KIRREL3: variants seen among roughly 807,000 people sequenced by gnomAD.
The protein encoded by KIRREL3 is kin of IRRE-like protein 3.
A neutral mutation model predicts 89.7 loss-of-function variants in KIRREL3; 36 were observed. That is an observed-to-expected ratio of 0.40 (90% confidence interval 0.31 to 0.53). KIRREL3 has a LOEUF of 0.53. KIRREL3 is among the 20% of genes least tolerant of loss of function. The pLI, the probability that KIRREL3 is intolerant of heterozygous loss-of-function variation, is 0.49. For synonymous variants in KIRREL3, 445 were observed against 441.4 expected (o/e 1.01, Z -0.10); for missense variants, 864 against 1,056.6 (o/e 0.82, Z 2.53).
intron 11 of KIRREL3, among the ~76,000 whole-genome samples, chr11:126,438,239 C>T (rs1339388006): frequency 6.6e-6 from 1 of 152,272 alleles, no homozygotes; most frequent in Non-Finnish European, 1.5e-5. Flanking sequence ...AGAAATGTGT[C>T]TACAGAGCTG....
chr11:126,815,757 G>T (rs1951550758), intron 1 of KIRREL3, among the ~76,000 whole-genome samples: 1 of 152,040 alleles, frequency 6.6e-6, no homozygotes, highest in Admixed American at 6.6e-5. Flanking sequence ...GGACGGTCTC[G>T]ATCTCCTGAC....
intron 1 of KIRREL3, among the ~76,000 whole-genome samples, chr11:126,857,812 T>TA (rs1240674937): frequency 5.8e-5 from 8 of 137,990 alleles, no homozygotes; most frequent in Non-Finnish European, 1.1e-4. Context: ...CTGGGCCCTC[T>TA]AGCTGCCTGG....
chr11:126,774,549 C>T (rs138694075), intron 1 of KIRREL3, among the ~76,000 whole-genome samples: 12 of 152,332 alleles, frequency 7.9e-5, no homozygotes, highest in African/African-American at 2.9e-4. Flanking sequence ...AGGCCTGGAG[C>T]AGCTTGAGCG....
rs928848320 is a variant in KIRREL3 at position 126,844,317 on chromosome 11, G to A, written c.55+156138C>T. Among the ~76,000 whole-genome samples, 1 of 152,170 alleles carries A rather than the reference G, an allele frequency of 6.6e-6. No homozygotes were observed. Among genetic ancestry groups the A allele is most frequent in the Non-Finnish European group, 1.5e-5 (1 of 68,034 alleles). Reference sequence around the variant, plus strand: ...CGGTGACATCTTTCTGGTGACCACAGAAGGGACAATACTAAGGAAACCCCA... The same window carrying A: ...CGGTGACATCTTTCTGGTGACCACAAAAGGGACAATACTAAGGAAACCCCA... On this transcript the variant is annotated intron_variant, in intron 1 of 16. Coordinates refer to ENST00000525144, the MANE Select transcript of KIRREL3 (RefSeq NM_032531.4). This position sits in a 1 kb window ranked among gnomAD's most constrained non-coding sequence, Gnocchi z 4.8.
chr11:126,447,274 G>A (rs1239470352), intron 8 of KIRREL3, among the ~76,000 whole-genome samples: 4 of 145,810 alleles, frequency 2.7e-5, no homozygotes, highest in Non-Finnish European at 4.6e-5. Context: ...TCCCAGTGGC[G>A]GGCAGGGGCC....
rs181148516 is a variant in KIRREL3, at chr11:126,482,796, C to T, written c.434-9330G>A. 2.0e-5 allele frequency among the ~76,000 whole-genome samples: 3 copies of T among 152,350 alleles called. No homozygotes were observed. The East Asian group carries it at 5.8e-4, about 29-fold the overall frequency. On this transcript the variant is annotated intron_variant, in intron 4 of 16. Transcript: ENST00000525144. Reference sequence around the variant, plus strand: ...CTTGGCATCCCCTCCCTCTGGGCCCCCCCACATTCTGTGCCAACTGAGGCA... The same window carrying T: ...CTTGGCATCCCCTCCCTCTGGGCCCTCCCACATTCTGTGCCAACTGAGGCA...
chr11:126,457,357 C>CTG (rs1956397442), intron 6 of KIRREL3, among the ~76,000 whole-genome samples: 1 of 89,812 alleles, frequency 1.1e-5, no homozygotes, highest in African/African-American at 4.4e-5. Context: ...GTATGTATGT[C>CTG]TCTGTGTGTA....
intron 1 of KIRREL3, among the ~76,000 whole-genome samples, chr11:126,972,022 A>T (rs755440113): frequency 1.8e-4 from 27 of 152,202 alleles, no homozygotes; most frequent in Non-Finnish European, 3.1e-4. Context: ...ACACAAGCTC[A>T]TCTGATTTCT....
rs1950836944 is a variant in KIRREL3 at position 126,797,125 on chromosome 11, G to A, written c.55+203330C>T. Among the ~76,000 whole-genome samples the A allele has an allele frequency of 6.6e-6, 1 of 152,182 alleles. No individual in the cohort carries two copies. The highest frequency in any genetic ancestry group is 1.5e-5 in the Non-Finnish European group (1 of 68,030). ...CAGAGCCCACATTCGGGGCCACCTG[G>A]AGTTAGCAAATCAGAGGCTTGGGGA... is the stretch of plus-strand genomic sequence containing the variant. On this transcript the variant is annotated intron_variant, in intron 1 of 16. Transcript: ENST00000525144. The surrounding 1 kb of genome is among the most constrained non-coding windows in gnomAD (Gnocchi z 4.9).
intron 4 of KIRREL3, among the ~76,000 whole-genome samples, chr11:126,500,322 T>C (rs1259410765): frequency 6.6e-6 from 1 of 152,180 alleles, no homozygotes; most frequent in Non-Finnish European, 1.5e-5. Flanking sequence ...GCTAGTGGCT[T>C]GGTGCATCTC....
chr11:126,648,720 G>C (rs1332702440), intron 1 of KIRREL3, among the ~76,000 whole-genome samples: 1 of 152,180 alleles, frequency 6.6e-6, no homozygotes, highest in Non-Finnish European at 1.5e-5. Context: ...GTAATAAATA[G>C]TGCTGTGATA....
At position 126,463,269 on chromosome 11, in the gene KIRREL3, G is replaced by A. The variant is rs375656626; in HGVS notation, c.630C>T (p.Ser210=). The A allele has an allele frequency of 1.4e-5, 22 of 1,613,784 alleles. No homozygotes were observed. The African/African-American group carries it at 2.8e-4, about 21-fold the overall frequency. Residue 210 remains serine, a synonymous_variant, in exon 6 of 17, where the codon AGC becomes AGT. Transcript: ENST00000525144. This position sits in a 1 kb window ranked among gnomAD's most constrained non-coding sequence, Gnocchi z 5.9. ...CGTCACCAGGGGAGATGAAGAGGGT[G>A]CTGACGATGCTCTCCCGCTTGCCGT... The part of the protein sequence containing the change: ...LRDGKRESIV[S]TLFISPGDVE...
chr11:126,863,763 A>T (rs1470122850), intron 1 of KIRREL3, among the ~76,000 whole-genome samples: 1 of 152,130 alleles, frequency 6.6e-6, no homozygotes, highest in African/African-American at 2.4e-5. Context: ...AGATCCTTAA[A>T]GTCACTTTAA....
At chr11:126,671,464 G>T (rs1176557696) in intron 1 of KIRREL3, among the ~76,000 whole-genome samples, 1 of 152,176 alleles carries the variant, frequency 6.6e-6, no homozygotes, top group Non-Finnish European at 1.5e-5. Flanking sequence ...TTGCTCTGCT[G>T]AAGACATTCT....
In KIRREL3 at chr11:126,948,417, A is replaced by G. The variant is rs1051574396; in HGVS notation, c.55+52038T>C. ...TATTAGCTAAGGTCCAAGAGAGTCA[A>G]GTGCTATGCTCAGAGCTAAGAGAAC... On this transcript the variant is annotated intron_variant, in intron 1 of 16. Transcript: ENST00000525144. The surrounding 1 kb of genome is among the most constrained non-coding windows in gnomAD (Gnocchi z 4.5). Among the ~76,000 whole-genome samples the G allele has an allele frequency of 1.3e-5, 2 of 152,184 alleles. No homozygotes were observed. The highest frequency in any genetic ancestry group is 2.9e-5 in the Non-Finnish European group (2 of 68,038).
rs753454160 is a variant in KIRREL3 at position 126,570,401 on chromosome 11, T to A, written c.56-7489A>T. On this transcript the variant is annotated intron_variant, in intron 1 of 16. Transcript: ENST00000525144. This position sits in a 1 kb window ranked among gnomAD's most constrained non-coding sequence, Gnocchi z 6.1. ...TAAGAGGAATCTGAAACAGCTGTGG[T>A]CTTAAATTACGTTTTTGAAATAATG... Among the ~76,000 whole-genome samples, 1 of 152,192 alleles carries A rather than the reference T, an allele frequency of 6.6e-6. No individual in the cohort carries two copies. Among genetic ancestry groups the A allele is most frequent in the Non-Finnish European group, 1.5e-5 (1 of 68,026 alleles).
At position 126,578,184 on chromosome 11, in the gene KIRREL3, C is replaced by T. The variant is rs1941356546; in HGVS notation, c.56-15272G>A. ...TCCACCCAACTACTGAGAAGTTTAA[C>T]AGACAATCTTTTCTTTTCCAAAATA... On this transcript the variant is annotated intron_variant, in intron 1 of 16. Coordinates refer to ENST00000525144, the MANE Select transcript of KIRREL3 (RefSeq NM_032531.4). The surrounding 1 kb of genome is among the most constrained non-coding windows in gnomAD (Gnocchi z 4.9). Among the ~76,000 whole-genome samples the T allele has an allele frequency of 6.6e-6, 1 of 152,314 alleles. No homozygotes were observed. The highest frequency in any genetic ancestry group is 2.1e-4 in the South Asian group (1 of 4,828).
intron 4 of KIRREL3, among the ~76,000 whole-genome samples, chr11:126,512,973 G>A (rs892266909): frequency 2.0e-5 from 3 of 152,200 alleles, no homozygotes; most frequent in Admixed American, 6.5e-5. Context: ...CAGCTGGATG[G>A]TGGCAGGACT....
rs968410770 is a variant in KIRREL3, at chr11:126,708,560, G to A, written c.56-145648C>T. On this transcript the variant is annotated intron_variant, in intron 1 of 16. Coordinates refer to ENST00000525144, the MANE Select transcript of KIRREL3 (RefSeq NM_032531.4). This position sits in a 1 kb window ranked among gnomAD's most constrained non-coding sequence, Gnocchi z 5.7. ...GTAACAACAGCTTCATTAACAAGTT[G>A]CTGTTCCGACGTGGGCTCCGGGGTG... 7.2e-5 allele frequency among the ~76,000 whole-genome samples: 11 copies of A among 152,138 alleles called. No homozygotes were observed. The highest frequency in any genetic ancestry group is 7.2e-4 in the Admixed American group (11 of 15,280).
Sources: gnomAD v4.1 joint callset for allele counts (sites outside exome capture counted in the v4.1 genomes callset) on GRCh38, gnomAD v4.1.1 for gene constraint, Gnocchi (gnomAD v3.1) non-coding constraint, MANE v1.5 for transcripts, NCBI Gene and HGNC (gene_info 2026-07-23, HGNC 2026-07-21) for gene names.